CDH12: variants seen among roughly 807,000 people sequenced by gnomAD.
CDH12 encodes cadherin 12.
CDH12 carries 41 observed loss-of-function variants against 74.1 expected under a neutral mutation model. The observed-to-expected ratio is 0.55, with a 90% confidence interval of 0.43 to 0.72. The LOEUF is 0.72. CDH12 is among the 30% of genes least tolerant of loss of function. CDH12 has a pLI of 0.00. For synonymous variants in CDH12, 399 were observed against 355.0 expected (o/e 1.12, Z -1.39); for missense variants, 945 against 977.2 (o/e 0.97, Z 0.44).
At chr5:22,396,279 T>C (rs1742454583) in intron 3 of CDH12, among the ~76,000 whole-genome samples, 1 of 152,118 alleles carries the variant, frequency 6.6e-6, no homozygotes, top group South Asian at 2.1e-4. Flanking sequence ...GAGGTCAGCA[T>C]CAGAGGGCAC....
At chr5:22,093,396 G>C (rs1002445289) in intron 4 of CDH12, among the ~76,000 whole-genome samples, 3 of 152,086 alleles carry the variant, frequency 2.0e-5, no homozygotes, top group Admixed American at 6.5e-5. Flanking sequence ...TCTACATTTA[G>C]CTCATTTACA....
chr5:22,484,392 C>T (rs1464582519), intron 2 of CDH12, among the ~76,000 whole-genome samples: 1 of 152,142 alleles, frequency 6.6e-6, no homozygotes, highest in Non-Finnish European at 1.5e-5. Flanking sequence ...GTAGACACAG[C>T]TTTAGACATA....
chr5:22,625,450 C>T (rs1738236490), intron 1 of CDH12, among the ~76,000 whole-genome samples: 1 of 152,088 alleles, frequency 6.6e-6, no homozygotes, highest in Non-Finnish European at 1.5e-5. Flanking sequence ...CTTAAGCTAG[C>T]AGGAAGAGTT....
chr5:22,452,212 G>GA, intron 2 of CDH12, among the ~76,000 whole-genome samples: 1 of 151,694 alleles, frequency 6.6e-6, no homozygotes, highest in Non-Finnish European at 1.5e-5. Context: ...TCACAAAATA[G>GA]AAAAATATCC....
chr5:22,577,515 T>C (rs774135577), intron 1 of CDH12, among the ~76,000 whole-genome samples: 18 of 152,172 alleles, frequency 1.2e-4, no homozygotes, highest in Non-Finnish European at 2.5e-4. Context: ...AATAACTTCC[T>C]ACATCATAGA....
At chr5:22,837,763 TTACATGGAAACTA>T (rs1736896916) in intron 1 of CDH12, among the ~76,000 whole-genome samples, 1 of 152,122 alleles carries the variant, frequency 6.6e-6, no homozygotes, top group South Asian at 2.1e-4. Flanking sequence ...TAAATAGAAT[TTACATGGAAACTA>T]TACTTAGCTG....
intron 3 of CDH12, among the ~76,000 whole-genome samples, chr5:22,377,305 A>G (rs1323585631): frequency 6.6e-6 from 1 of 152,208 alleles, no homozygotes; most frequent in Non-Finnish European, 1.5e-5. Context: ...AAAATAGAAT[A>G]GCCATTGACA....
chr5:22,103,673 A>C (rs116826420), intron 4 of CDH12, among the ~76,000 whole-genome samples: 2,093 of 152,348 alleles, frequency 0.014, 28 homozygotes, highest in Middle Eastern at 0.037. Flanking sequence ...AAATGTGTGT[A>C]ATTCTAGGCT....
At chr5:22,426,484 C>A (rs910603287) in intron 2 of CDH12, among the ~76,000 whole-genome samples, 2 of 151,974 alleles carry the variant, frequency 1.3e-5, no homozygotes, top group Non-Finnish European at 2.9e-5. Context: ...GAGACAAAAT[C>A]TACTGGAGTA....
At chr5:21,915,827 T>C (rs1418961985) in intron 6 of CDH12, among the ~76,000 whole-genome samples, 1 of 134,964 alleles carries the variant, frequency 7.4e-6, no homozygotes, top group Non-Finnish European at 1.5e-5. Flanking sequence ...TTGTGCTGTG[T>C]GTGTGTGTGT....
intron 1 of CDH12, among the ~76,000 whole-genome samples, chr5:22,814,938 ATCT>A (rs1177682465): frequency 3.5e-4 from 53 of 152,216 alleles, no homozygotes; most frequent in Non-Finnish European, 1.2e-4. Context: ...ATTGTACATA[ATCT>A]TCTTTCAGAT....
At chr5:21,777,351 A>C (rs1033257778) in intron 11 of CDH12, among the ~76,000 whole-genome samples, 1 of 152,130 alleles carries the variant, frequency 6.6e-6, no homozygotes, top group Non-Finnish European at 1.5e-5. Flanking sequence ...CTAAAATGCA[A>C]ATTTCTATTG....
At chr5:22,005,822 G>A (rs1432862462) in intron 5 of CDH12, among the ~76,000 whole-genome samples, 2 of 152,048 alleles carry the variant, frequency 1.3e-5, no homozygotes, top group Non-Finnish European at 2.9e-5. Context: ...TAAATTGCCT[G>A]AAATTGTATA....
intron 1 of CDH12, among the ~76,000 whole-genome samples, chr5:22,778,195 A>G (rs1421013218): frequency 1.3e-5 from 2 of 152,188 alleles, no homozygotes; most frequent in Middle Eastern, 3.2e-3. Flanking sequence ...TAATGTTTTC[A>G]TTCAGTTTGT....
chr5:21,904,701 G>A (rs1458669690), intron 6 of CDH12, among the ~76,000 whole-genome samples: 2 of 152,024 alleles, frequency 1.3e-5, no homozygotes, highest in Non-Finnish European at 2.9e-5. Flanking sequence ...GATTGCTTGA[G>A]CCCAAGAGTT....
chr5:22,173,431 T>C (rs1275363837), intron 4 of CDH12, among the ~76,000 whole-genome samples: 2 of 148,018 alleles, frequency 1.4e-5, no homozygotes, highest in African/African-American at 2.4e-5. Flanking sequence ...TAAATATTAA[T>C]AAATATTTCA....
At chr5:22,399,948 T>C (rs1742644265) in intron 3 of CDH12, among the ~76,000 whole-genome samples, 1 of 152,144 alleles carries the variant, frequency 6.6e-6, no homozygotes, top group African/African-American at 2.4e-5. Flanking sequence ...TTGAGTGATA[T>C]CACTATGCCA....
chr5:22,588,975 T>C (rs1219013548), intron 1 of CDH12, among the ~76,000 whole-genome samples: 2 of 152,196 alleles, frequency 1.3e-5, no homozygotes, highest in African/African-American at 4.8e-5. Flanking sequence ...TCACCTGATA[T>C]AACAGCCCTG....
chr5:22,116,658 A>G (rs1039572406), intron 4 of CDH12, among the ~76,000 whole-genome samples: 1 of 151,740 alleles, frequency 6.6e-6, no homozygotes, highest in African/African-American at 2.4e-5. Flanking sequence ...AGCCCGGGCC[A>G]ATACGTTGGT....
Sources: allele counts gnomAD v4.1 joint callset (sites outside exome capture counted in the v4.1 genomes callset), GRCh38; gene constraint gnomAD v4.1.1; transcripts MANE v1.5; gene names NCBI Gene and HGNC (gene_info 2026-07-23, HGNC 2026-07-21).